ZNF618: variants seen among roughly 807,000 people sequenced by gnomAD.
The protein encoded by ZNF618 is zinc finger protein 618.
ZNF618 carries 34 observed loss-of-function variants against 103.0 expected under a neutral mutation model. The ratio of observed to expected loss-of-function variants is 0.33; its 90% CI spans 0.25 to 0.44. The LOEUF (loss-of-function observed/expected upper bound fraction) is 0.44, where lower values mean the gene tolerates loss of function less well. Ranked by LOEUF, ZNF618 falls within the 20% of genes least tolerant of loss-of-function variation. The pLI is 1.00. For missense variants in ZNF618, 1,059 were observed against 1,295.4 expected (o/e 0.82, Z 2.80); for synonymous variants, 551 against 542.2 (o/e 1.02, Z -0.23).
Position 114,002,714 on chromosome 9 carries a change from G to C in ZNF618, c.550+52G>C, listed in dbSNP as rs1233457067. 4.4e-6 allele frequency: 7 copies of C among 1,593,256 alleles called. No homozygotes were observed. The African/African-American group carries it at 9.4e-5, about 21-fold the overall frequency. The stretch of plus-strand genomic sequence containing the variant: ...TGCTGAGGGGCGAGGGCTTGGGGTG[G>C]GATGAAGAGGAGCTGCTTGTCCCCT... On this transcript the variant is annotated intron_variant, in intron 6 of 14. Transcript: ENST00000374126.
chr9:114,001,278 T>TG (rs1331470652), intron 4 of ZNF618, among the ~76,000 whole-genome samples: 7 of 149,508 alleles, frequency 4.7e-5, no homozygotes, highest in Non-Finnish European at 7.4e-5. Context: ...GGCAAGGGGC[T>TG]GGGGGGGCCA....
intron 1 of ZNF618, among the ~76,000 whole-genome samples, chr9:113,947,031 C>T (rs1313556503): frequency 6.6e-6 from 1 of 152,230 alleles, no homozygotes. Flanking sequence ...GACAGCATCT[C>T]CCCTGTCCCC....
intron 1 of ZNF618, among the ~76,000 whole-genome samples, chr9:113,963,911 C>T (rs555654105): frequency 2.0e-5 from 3 of 152,222 alleles, no homozygotes; most frequent in African/African-American, 4.8e-5. Context: ...GTCCCAGTCC[C>T]GTAGAGTTGG....
chr9:113,935,916 C>A (rs1159492617), intron 1 of ZNF618, among the ~76,000 whole-genome samples: 1 of 152,150 alleles, frequency 6.6e-6, no homozygotes, highest in African/African-American at 2.4e-5. Context: ...GCGCTTATCC[C>A]AGTGGGGAGC....
Position 114,029,613 on chromosome 9 carries a change from C to T in ZNF618, c.1084+641C>T, listed in dbSNP as rs146653441. On this transcript the variant is annotated intron_variant, in intron 11 of 14. Transcript: ENST00000374126. The stretch of plus-strand genomic sequence containing the variant: ...CCTGTTGGCATGAGTTTGCATCTCC[C>T]ACCTTTCAGAAAACTTAATTTAAAA... Among the ~76,000 whole-genome samples the T allele has an allele frequency of 1.6e-3, 236 of 152,042 alleles. 1 individual carries two copies. The highest frequency in any genetic ancestry group is 5.3e-3 in the African/African-American group (219 of 41,366).
At chr9:113,976,187 G>A (rs1838452548) in intron 2 of ZNF618, among the ~76,000 whole-genome samples, 1 of 152,158 alleles carries the variant, frequency 6.6e-6, no homozygotes, top group South Asian at 2.1e-4. Flanking sequence ...TGTGCCAAAG[G>A]GCACTTGAAC....
chr9:114,001,978 T>C lies in ZNF618; in HGVS notation c.434-18T>C, dbSNP rs1475314322. The C allele has an allele frequency of 6.2e-7, 1 of 1,612,240 alleles. No homozygotes were observed. The highest frequency in any genetic ancestry group is 2.2e-5 in the East Asian group (1 of 44,856). ...CACAGAGGTTGGGTGACCAGTCCTT[T>C]CCTCTTCTGTTTTCCAGGGTCTTAC... On this transcript the variant is annotated intron_variant, in intron 4 of 14. Coordinates refer to ENST00000374126, the MANE Select transcript of ZNF618 (RefSeq NM_001318042.2).
intron 1 of ZNF618, among the ~76,000 whole-genome samples, chr9:113,897,701 C>T (rs1335577283): frequency 6.6e-6 from 1 of 152,028 alleles, no homozygotes. Context: ...ATATGTGTTT[C>T]CCCAGCTTTT....
chr9:113,950,274 T>G (rs766075100), intron 1 of ZNF618, among the ~76,000 whole-genome samples: 5 of 152,204 alleles, frequency 3.3e-5, no homozygotes. Context: ...CTTCTGAGCA[T>G]GTGCTAGTTG....
At chr9:114,017,891 C>T (rs1842777320) in intron 10 of ZNF618, among the ~76,000 whole-genome samples, 1 of 152,114 alleles carries the variant, frequency 6.6e-6, no homozygotes, top group South Asian at 2.1e-4. Context: ...CCAGGAATTC[C>T]TCCCCTCTGG....
At chr9:113,991,345 G>A (rs547734850) in intron 3 of ZNF618, among the ~76,000 whole-genome samples, 184 of 152,360 alleles carry the variant, frequency 1.2e-3, no homozygotes, top group Non-Finnish European at 2.0e-3. Flanking sequence ...GAAGGAAACA[G>A]TGTTGCCTGA....
At chr9:113,996,562 G>T (rs1288454713) in intron 3 of ZNF618, among the ~76,000 whole-genome samples, 2 of 152,222 alleles carry the variant, frequency 1.3e-5, no homozygotes, top group Admixed American at 1.3e-4. Flanking sequence ...TCTGTCTGAT[G>T]CTCTGGGAGG....
chr9:113,906,163 G>T (rs371496511), intron 1 of ZNF618, among the ~76,000 whole-genome samples: 16 of 152,294 alleles, frequency 1.1e-4, no homozygotes, highest in African/African-American at 3.8e-4. Context: ...AAGAGGCATT[G>T]TGGGGTCATA....
At position 114,053,529 on chromosome 9, in the gene ZNF618, G is replaced by T. The variant is rs1846268372; in HGVS notation, c.*3362G>T. 6.6e-6 allele frequency: 1 copy of T among 152,240 alleles called. No individual in the cohort carries two copies. Among genetic ancestry groups the T allele is most frequent in the Admixed American group, 6.5e-5 (1 of 15,280 alleles). The allele number at this position is 152,240 out of a possible 1,614,324, so 9.4% of individuals were successfully genotyped here. A position where few individuals can be genotyped will look rare whatever the true frequency, so the allele number is the denominator to read the frequency against. ...TTTGACATACATGGACCCAAAAGGGGAGGTGAAGAAAACACACCTCCACCT... is the reference window on the plus strand; with the variant it reads ...TTTGACATACATGGACCCAAAAGGGTAGGTGAAGAAAACACACCTCCACCT... On this transcript the variant is annotated 3_prime_UTR_variant, in exon 15 of 15. Coordinates refer to ENST00000374126, the MANE Select transcript of ZNF618 (RefSeq NM_001318042.2).
At chr9:113,929,349 C>T (rs1171355913) in intron 1 of ZNF618, among the ~76,000 whole-genome samples, 1 of 152,218 alleles carries the variant, frequency 6.6e-6, no homozygotes, top group African/African-American at 2.4e-5. Context: ...CTGCAGATTT[C>T]AGGGTGGTTT....
At position 114,050,593 on chromosome 9, in the gene ZNF618, G is replaced by A. The variant is rs1490860678; in HGVS notation, c.*426G>A. ...GTTTCACCTCCTTTTCTCAGTAAGG[G>A]GGCTTTAGAAGACTCCGCTTTCAGG... On this transcript the variant is annotated 3_prime_UTR_variant, in exon 15 of 15. Coordinates refer to ENST00000374126, the MANE Select transcript of ZNF618 (RefSeq NM_001318042.2). 4 of 156,652 alleles carry A rather than the reference G, an allele frequency of 2.6e-5. No homozygotes were observed. Among genetic ancestry groups the A allele is most frequent in the Non-Finnish European group, 5.6e-5 (4 of 70,968 alleles). 9.7% of individuals were successfully genotyped at this position (156,652 alleles called of 1,614,324 possible).
At chr9:113,964,783 A>G (rs913330766) in intron 1 of ZNF618, among the ~76,000 whole-genome samples, 1 of 63,940 alleles carries the variant, frequency 1.6e-5, no homozygotes, top group Non-Finnish European at 3.0e-5. Context: ...GGTTGCTGCT[A>G]TTCCTTTAAG....
At chr9:113,969,242 A>C in intron 2 of ZNF618, 82 bp downstream of exon 2, 2 of 1,550,060 alleles carry the variant, frequency 1.3e-6, no homozygotes, top group Non-Finnish European at 1.8e-6. Flanking sequence ...TCTGGTCCTC[A>C]TCTTCCCCCT....
chr9:113,988,440 T>C lies in ZNF618; in HGVS notation c.197T>C (p.Leu66Pro). The C allele has an allele frequency of 6.2e-7, 1 of 1,613,664 alleles. No homozygotes were observed. The highest frequency in any genetic ancestry group is 8.5e-7 in the Non-Finnish European group (1 of 1,179,892). Residue 66 changes from leucine to proline, a missense_variant, in exon 3 of 15, where the codon CTG (leucine) becomes CCG (proline). This residue lies in a region of ZNF618 where 194 missense variants were observed against 209.0 expected (regional missense o/e 0.93). Transcript: ENST00000374126. ...ACGGAGGTGAAGGTGAAGACAGAGC[T>C]GCCCGATGACTACATCCAGGAGGTG... ...TMTEVKVKTE[L>P]PDDYIQEVIW...
Sources: gnomAD v4.1 joint callset for allele counts (sites outside exome capture counted in the v4.1 genomes callset) on GRCh38, gnomAD v4.1.1 for gene constraint, gnomAD v4.1.1 regional missense constraint, MANE v1.5 for transcripts, NCBI Gene and HGNC (gene_info 2026-07-23, HGNC 2026-07-21) for gene names.